CSMD1: variants seen among roughly 807,000 people sequenced by gnomAD.
CSMD1 encodes the protein CUB and Sushi multiple domains 1.
A neutral mutation model predicts 417.5 loss-of-function variants in CSMD1; 213 were observed. The ratio of observed to expected loss-of-function variants is 0.51; its 90% CI spans 0.46 to 0.57. CSMD1 has a LOEUF of 0.57. Among genes scored for constraint, CSMD1 ranks in the 20% least tolerant of loss-of-function variants. The pLI is 0.00. For missense variants in CSMD1, 6,923 were observed against 4,529.7 expected (o/e 1.53, Z -15.17); for synonymous variants, 2,862 against 1,736.8 (o/e 1.65, Z -16.11).
chr8:3,654,368 G>C lies in CSMD1; in HGVS notation c.1010-37571C>G, dbSNP rs995344641. ...TTTGATGTCACATTGAAATCAGTTA[G>C]TTTTAGACTGCGTATAAATAGCAGA... On this transcript the variant is annotated intron_variant, in intron 7 of 69. Transcript: ENST00000635120. 2.6e-5 allele frequency among the ~76,000 whole-genome samples: 4 copies of C among 152,232 alleles called. No individual in the cohort carries two copies. The East Asian group carries it at 5.8e-4, about 22-fold the overall frequency.
intron 54 of CSMD1, among the ~76,000 whole-genome samples, chr8:2,997,081 T>C (rs1226192005): frequency 6.6e-6 from 1 of 152,174 alleles, no homozygotes; most frequent in Non-Finnish European, 1.5e-5. Context: ...CTCACTCTGG[T>C]TTCCTTTGCA....
intron 5 of CSMD1, among the ~76,000 whole-genome samples, chr8:3,987,740 T>C (rs1222697577): frequency 6.6e-6 from 1 of 152,004 alleles, no homozygotes; most frequent in Non-Finnish European, 1.5e-5. Flanking sequence ...AAGTGCAAAA[T>C]GGAATGTAAA....
intron 1 of CSMD1, among the ~76,000 whole-genome samples, chr8:4,759,603 C>A (rs934019731): frequency 2.6e-5 from 4 of 152,054 alleles, no homozygotes; most frequent in African/African-American, 9.7e-5. Context: ...TGTGTTGTTC[C>A]CCTCCCTACG....
chr8:3,446,150 T>C (rs73497425), intron 12 of CSMD1, among the ~76,000 whole-genome samples: 14,832 of 151,810 alleles, frequency 0.098, 872 homozygotes, highest in African/African-American at 0.16. Context: ...AGAAAGGAAA[T>C]TGCCATGGCC....
intron 1 of CSMD1, among the ~76,000 whole-genome samples, chr8:4,971,656 C>T (rs1287524161): frequency 6.7e-6 from 1 of 149,974 alleles, no homozygotes; most frequent in Non-Finnish European, 1.5e-5. Flanking sequence ...ATTCTTACTT[C>T]CTTGCACACA....
chr8:3,150,581 C>G (rs955971512), intron 40 of CSMD1, among the ~76,000 whole-genome samples: 1 of 152,016 alleles, frequency 6.6e-6, no homozygotes, highest in Non-Finnish European at 1.5e-5. Flanking sequence ...TGGTTGTATT[C>G]ATTCATTCAT....
At chr8:3,327,022 A>G (rs1362585469) in intron 23 of CSMD1, among the ~76,000 whole-genome samples, 2 of 145,352 alleles carry the variant, frequency 1.4e-5, no homozygotes, top group Admixed American at 1.3e-4. Flanking sequence ...CACTAAAAGG[A>G]AAAAAAAAAG....
intron 1 of CSMD1, among the ~76,000 whole-genome samples, chr8:4,695,734 G>T (rs768682730): frequency 2.0e-5 from 3 of 152,082 alleles, no homozygotes; most frequent in African/African-American, 7.2e-5. Flanking sequence ...GGTATTTTAT[G>T]TTCTATGGGT....
intron 4 of CSMD1, among the ~76,000 whole-genome samples, 194 bp downstream of exon 4, chr8:4,031,711 G>T (rs1563340127): frequency 6.6e-6 from 1 of 152,112 alleles, no homozygotes; most frequent in Non-Finnish European, 1.5e-5. Flanking sequence ...AATATTAAAT[G>T]TTATTACACA....
At chr8:3,811,685 G>A (rs570130287) in intron 5 of CSMD1, among the ~76,000 whole-genome samples, 1 of 152,054 alleles carries the variant, frequency 6.6e-6, no homozygotes, top group East Asian at 1.9e-4. Context: ...TTCAATACTA[G>A]ATGGATGTTT....
At chr8:3,020,683 T>G (rs766150541) in intron 51 of CSMD1, among the ~76,000 whole-genome samples, 1 of 152,084 alleles carries the variant, frequency 6.6e-6, no homozygotes, top group Non-Finnish European at 1.5e-5. Flanking sequence ...CATGTTATGA[T>G]AGGACAACCG....
intron 3 of CSMD1, among the ~76,000 whole-genome samples, chr8:4,183,862 CAG>C (rs1296726654): frequency 1.3e-5 from 2 of 152,268 alleles, no homozygotes; most frequent in African/African-American, 4.8e-5. Flanking sequence ...TTAAAACACT[CAG>C]TGAGTTTTTT....
At chr8:3,956,329 G>A (rs896550572) in intron 5 of CSMD1, among the ~76,000 whole-genome samples, 1 of 152,168 alleles carries the variant, frequency 6.6e-6, no homozygotes, top group Non-Finnish European at 1.5e-5. Context: ...TGGGGAAACT[G>A]AATCAGCAAG....
chr8:4,362,041 G>A (rs923703043), intron 3 of CSMD1, among the ~76,000 whole-genome samples: 2 of 151,996 alleles, frequency 1.3e-5, no homozygotes, highest in African/African-American at 4.8e-5. Flanking sequence ...TTAGAGGTAG[G>A]ATACATAAGG....
chr8:3,626,628 G>T (rs1382338527), intron 7 of CSMD1, among the ~76,000 whole-genome samples: 2 of 151,486 alleles, frequency 1.3e-5, no homozygotes, highest in South Asian at 2.1e-4. Context: ...AGTCCCCACA[G>T]AAAGTTTCTT....
intron 5 of CSMD1, among the ~76,000 whole-genome samples, chr8:3,994,801 C>T (rs1815073063): frequency 6.6e-6 from 1 of 152,200 alleles, no homozygotes; most frequent in African/African-American, 2.4e-5. Context: ...GGTAATTTCA[C>T]TCCAAATTAA....
intron 46 of CSMD1, 118 bp from the exon 47 acceptor site, chr8:3,097,155 C>G (rs1428839010): frequency 1.3e-6 from 1 of 745,552 alleles, no homozygotes; most frequent in East Asian, 2.8e-5. Flanking sequence ...TTATTGAGCT[C>G]TGGCCAAATT....
chr8:2,961,517 C>T (rs1803487585), intron 61 of CSMD1, among the ~76,000 whole-genome samples: 1 of 151,934 alleles, frequency 6.6e-6, no homozygotes, highest in Non-Finnish European at 1.5e-5. Flanking sequence ...CAATGATATA[C>T]TATCTTCAAT....
intron 3 of CSMD1, among the ~76,000 whole-genome samples, chr8:4,216,744 C>A (rs1359503856): frequency 6.6e-6 from 1 of 152,116 alleles, no homozygotes; most frequent in Non-Finnish European, 1.5e-5. Flanking sequence ...TGTTTTAAGA[C>A]CTTTAAAATT....
Sources: gnomAD v4.1 joint callset for allele counts (sites outside exome capture counted in the v4.1 genomes callset) on GRCh38, gnomAD v4.1.1 for gene constraint, MANE v1.5 for transcripts, NCBI Gene and HGNC (gene_info 2026-07-23, HGNC 2026-07-21) for gene names.